EXOSC5: variants seen among roughly 807,000 people sequenced by gnomAD.
The protein encoded by EXOSC5 is exosome component 5.
A neutral mutation model predicts 23.7 loss-of-function variants in EXOSC5; 15 were observed. The ratio of observed to expected loss-of-function variants is 0.63; its 90% CI spans 0.42 to 0.97. EXOSC5 has a LOEUF of 0.97. Among genes scored for constraint, EXOSC5 ranks in the 50% least tolerant of loss-of-function variants. The probability of loss-of-function intolerance (pLI) is 0.00; values close to 1 mark genes in which losing one functional copy is unlikely to be tolerated. For missense variants in EXOSC5, 305 were observed against 316.3 expected, an observed-to-expected ratio of 0.96 and a Z score of 0.27; for synonymous variants, 143 against 140.9, an observed-to-expected ratio of 1.02 and a Z score of -0.11.
chr19:41,396,814 G>A (rs78673509), intron 1 of EXOSC5, among the ~76,000 whole-genome samples: 3,941 of 129,970 alleles, frequency 0.03, 166 homozygotes, highest in African/African-American at 0.1. Flanking sequence ...TTCAGTCCGG[G>A]ATGCAAGGAC....
chr19:41,386,549 G>T lies in EXOSC5; in HGVS notation c.*84C>A. 7.3e-7 allele frequency: 1 copy of T among 1,373,014 alleles called. No homozygotes were observed. Among genetic ancestry groups the T allele is most frequent in the Non-Finnish European group, 1.0e-6 (1 of 1,001,170 alleles). The allele number at this position is 1,373,014 out of a possible 1,614,324, so 85.1% of individuals were successfully genotyped here. A position where few individuals can be genotyped will look rare whatever the true frequency, so the allele number is the denominator to read the frequency against. ...CTCAAGGAGCCCATGGGTCAGAGAG[G>T]CAAGGCTGGGCTGCTGGTTTGCTTC... is the stretch of plus-strand genomic sequence containing the variant. On this transcript the variant is annotated 3_prime_UTR_variant, in exon 6 of 6. Transcript: ENST00000221233.
intron 1 of EXOSC5, among the ~76,000 whole-genome samples, chr19:41,396,356 C>A (rs956125553): frequency 1.3e-5 from 2 of 152,082 alleles, no homozygotes; most frequent in African/African-American, 4.8e-5. Flanking sequence ...ATTACAGGCG[C>A]CCGCCACCAT....
At chr19:41,388,710 G>A (rs1400780028) in intron 4 of EXOSC5, among the ~76,000 whole-genome samples, 2 of 152,134 alleles carry the variant, frequency 1.3e-5, no homozygotes, top group African/African-American at 4.8e-5. Context: ...GACTAGAGGG[G>A]ACCATTATAG....
chr19:41,390,131 C>A (rs1405943950), intron 3 of EXOSC5, among the ~76,000 whole-genome samples: 1 of 152,124 alleles, frequency 6.6e-6, no homozygotes, highest in Non-Finnish European at 1.5e-5. Flanking sequence ...TGGGGTTTCA[C>A]TATGTTGGCC....
intron 1 of EXOSC5, among the ~76,000 whole-genome samples, chr19:41,393,796 T>C (rs894533821): frequency 2.6e-5 from 4 of 151,914 alleles, no homozygotes; most frequent in African/African-American, 2.4e-5. Context: ...CCTGACCTCA[T>C]GATCTGCCCG....
chr19:41,395,255 C>T (rs1010260940), intron 1 of EXOSC5, among the ~76,000 whole-genome samples: 1 of 152,152 alleles, frequency 6.6e-6, no homozygotes, highest in African/African-American at 2.4e-5. Flanking sequence ...TGCCCTTACA[C>T]GGAAGGTATG....
rs34500671 is a variant in EXOSC5, at chr19:41,397,230, G to C, written c.99C>G (p.Cys33Trp). 1 of 1,614,184 alleles carries C rather than the reference G, an allele frequency of 6.2e-7. No individual in the cohort carries two copies. The highest frequency in any genetic ancestry group is 8.5e-7 in the Non-Finnish European group (1 of 1,180,004). ...CTGGCCGCGACAGCAGGTTCTGTTC[G>C]CAGGCAAAGTGCCGGAGGCTGCAGC... Reference protein sequence around the residue: ...GPGCSLRHFACEQNLLSRPDG... With the variant: ...GPGCSLRHFAWEQNLLSRPDG... The change falls in exon 1 of 6, where the codon TGC (cysteine) becomes TGG (tryptophan). Residue 33 changes from cysteine to tryptophan, a missense_variant. Coordinates refer to ENST00000221233, the MANE Select transcript of EXOSC5 (RefSeq NM_020158.4).
intron 3 of EXOSC5, among the ~76,000 whole-genome samples, chr19:41,390,850 T>G (rs185031095): frequency 1.3e-5 from 2 of 152,200 alleles, no homozygotes; most frequent in African/African-American, 4.8e-5. Flanking sequence ...TTCTGTAAAA[T>G]GGGGTCACAA....
chr19:41,393,626 C>T (rs141782639), intron 1 of EXOSC5, among the ~76,000 whole-genome samples: 1 of 150,870 alleles, frequency 6.6e-6, no homozygotes, highest in African/African-American at 2.4e-5. Context: ...GTGGCGTAAT[C>T]TCGGCTCACC....
chr19:41,397,343 G>T lies in EXOSC5; in HGVS notation c.-15C>A. The T allele has an allele frequency of 1.2e-6, 2 of 1,605,782 alleles. No individual in the cohort carries two copies. The highest frequency in any genetic ancestry group is 1.7e-5 in the Admixed American group (1 of 59,730). ...TCCTCCTCCATCGCGCCGAGCCCACGTGCGGCTGCAGTTGTCACTTCCGCC... is the reference window on the plus strand; with the variant it reads ...TCCTCCTCCATCGCGCCGAGCCCACTTGCGGCTGCAGTTGTCACTTCCGCC... On this transcript the variant is annotated 5_prime_UTR_variant, in exon 1 of 6. Transcript: ENST00000221233.
chr19:41,387,423 A>G, intron 5 of EXOSC5, 91 bp downstream of exon 5: 1 of 1,014,972 alleles, frequency 9.9e-7, no homozygotes, highest in Non-Finnish European at 1.4e-6. Flanking sequence ...GCTCTCCTGA[A>G]GCCTCTCAGA....
Position 41,386,525 on chromosome 19 carries a change from T to C in EXOSC5, c.*108A>G. ...GCCCTGTGGTTACAGAGCTGCAGGC[T>C]CAAGGAGCCCATGGGTCAGAGAGGC... is the stretch of plus-strand genomic sequence containing the variant. On this transcript the variant is annotated 3_prime_UTR_variant, in exon 6 of 6. Transcript: ENST00000221233. The C allele has an allele frequency of 8.9e-7, 1 of 1,122,802 alleles. No homozygotes were observed. Among genetic ancestry groups the C allele is most frequent in the Non-Finnish European group, 1.3e-6 (1 of 789,110 alleles). 69.6% of individuals were successfully genotyped at this position (1,122,802 alleles called of 1,614,324 possible). A position where few individuals can be genotyped will look rare whatever the true frequency, so the allele number is the denominator to read the frequency against.
At chr19:41,393,144 A>G (rs1459099987) in intron 1 of EXOSC5, among the ~76,000 whole-genome samples, 164 bp from the exon 2 acceptor site, 1 of 152,236 alleles carries the variant, frequency 6.6e-6, no homozygotes, top group African/African-American at 2.4e-5. Context: ...AAATGGGGAA[A>G]ATAGCAGTCC....
chr19:41,387,977 C>G (rs1047868831), intron 4 of EXOSC5, among the ~76,000 whole-genome samples: 2 of 152,126 alleles, frequency 1.3e-5, no homozygotes, highest in Non-Finnish European at 2.9e-5. Flanking sequence ...TCCCACCACA[C>G]ACTTGCAGCC....
chr19:41,387,453 C>T, intron 5 of EXOSC5, 61 bp downstream of exon 5: 1 of 1,376,600 alleles, frequency 7.3e-7, no homozygotes, highest in East Asian at 2.5e-5. Context: ...AGAGTTGGGA[C>T]AAGACCGTAT....
intron 4 of EXOSC5, 124 bp downstream of exon 4, chr19:41,389,641 G>C (rs1044021322): frequency 6.6e-6 from 9 of 1,359,842 alleles, no homozygotes; most frequent in Non-Finnish European, 8.0e-6. Context: ...GATGATTAGA[G>C]CAGCCCTTGC....
chr19:41,391,987 G>T, intron 2 of EXOSC5, 25 bp from the exon 3 acceptor site: 2 of 1,571,998 alleles, frequency 1.3e-6, no homozygotes, highest in East Asian at 2.4e-5. Context: ...GAGAGGTTCA[G>T]GGTCTTCCCC....
chr19:41,387,435 T>C, intron 5 of EXOSC5, 79 bp downstream of exon 5: 1 of 1,183,484 alleles, frequency 8.4e-7, no homozygotes, highest in Non-Finnish European at 1.2e-6. Context: ...CCTCTCAGAA[T>C]CCAGGGCAGA....
At chr19:41,392,047 G>C in intron 2 of EXOSC5, 85 bp from the exon 3 acceptor site, 9 of 1,516,700 alleles carry the variant, frequency 5.9e-6, no homozygotes, top group Non-Finnish European at 7.8e-6. Context: ...TCCCAGAAAG[G>C]GCTCACGGTC....
Sources: gnomAD v4.1 joint callset for allele counts (sites outside exome capture counted in the v4.1 genomes callset) on GRCh38, gnomAD v4.1.1 for gene constraint, MANE v1.5 for transcripts, NCBI Gene and HGNC (gene_info 2026-07-23, HGNC 2026-07-21) for gene names.